The following ZNF695 variants were observed in gnomAD, a reference collection of about 807,000 sequenced individuals.
ZNF695 encodes the protein zinc finger protein 695, also known as zinc finger protein SBZF3.
Under a neutral mutation model 11.2 loss-of-function variants are expected in ZNF695, and 11 were observed. The ratio of observed to expected loss-of-function variants is 0.98; its 90% CI spans 0.62 to 1.62. The LOEUF is 1.62. Ranked by LOEUF, ZNF695 falls within the 40% of genes most tolerant of loss-of-function variation. The pLI is 0.00. For synonymous variants in ZNF695, 190 were observed against 201.4 expected (o/e 0.94, Z 0.48); for missense variants, 559 against 590.5 (o/e 0.95, Z 0.55).
At chr1:247,007,040 C>T (rs1235829607) in intron 1 of ZNF695, among the ~76,000 whole-genome samples, 1 of 152,162 alleles carries the variant, frequency 6.6e-6, no homozygotes, top group African/African-American at 2.4e-5. Flanking sequence ...AAGGTGACTG[C>T]ATAATGGCAA....
chr1:246,946,354 A>G (rs2818887), intron 5 of ZNF695, among the ~76,000 whole-genome samples: 86,668 of 152,110 alleles, frequency 0.57, 25,005 homozygotes, highest in African/African-American at 0.65. Context: ...TTGCCTTGCC[A>G]CTTTTCTGAA....
At chr1:246,966,083 A>T (rs1668283550) in intron 5 of ZNF695, among the ~76,000 whole-genome samples, 2 of 152,104 alleles carry the variant, frequency 1.3e-5, no homozygotes, top group Non-Finnish European at 2.9e-5. Context: ...GAAAATATTA[A>T]GAGAAAAGTT....
At chr1:247,005,404 C>T (rs1669502481) in intron 1 of ZNF695, among the ~76,000 whole-genome samples, 1 of 152,074 alleles carries the variant, frequency 6.6e-6, no homozygotes. Context: ...TAAAACTTGA[C>T]CCCTTGGCCG....
rs755647206 is a variant in ZNF695 at position 246,987,895 on chromosome 1, A to G, written c.620T>C (p.Ile207Thr). Residue 207 changes from isoleucine to threonine, a missense_variant, in exon 4 of 4, where the codon ATT becomes ACT. Transcript: ENST00000339986. Reference protein sequence around the residue: ...LIMTQQQRIHIGENPYQCKKC... With the variant: ...LIMTQQQRIHTGENPYQCKKC... Reference sequence around the variant, plus strand: ...TTTACATTGGTACGGGTTCTCTCCAATATGGATTCTCTGCTGTTGAGTCAT... The same window carrying G: ...TTTACATTGGTACGGGTTCTCTCCAGTATGGATTCTCTGCTGTTGAGTCAT... The G allele has an allele frequency of 7.5e-6, 12 of 1,609,408 alleles. No homozygotes were observed. The highest frequency in any genetic ancestry group is 8.5e-6 in the Non-Finnish European group (10 of 1,178,696).
rs184093994 is a variant in ZNF695, at chr1:246,954,319, C to G, written c.489-8492G>C. Among the ~76,000 whole-genome samples the G allele has an allele frequency of 2.4e-3, 368 of 152,286 alleles. 2 individuals are homozygous for G. The highest frequency in any genetic ancestry group is 4.0e-3 in the Non-Finnish European group (272 of 68,032). ...AACATGTTGTCCAGCAGTTGAAAGC[C>G]AAGGACAGGAACAGGCAATGCCTGC... On this transcript the variant is annotated intron_variant, in intron 5 of 5. Transcript: ENST00000487338.
At chr1:246,950,650 C>CAAAAAAA (rs200143022) in intron 5 of ZNF695, among the ~76,000 whole-genome samples, 3 of 105,370 alleles carry the variant, frequency 2.8e-5, no homozygotes, top group Admixed American at 1.0e-4. Context: ...AACTCCGTTT[C>CAAAAAAA]AAAAAAAAAA....
chr1:246,957,724 C>T (rs1184885732), intron 5 of ZNF695, among the ~76,000 whole-genome samples: 1 of 151,996 alleles, frequency 6.6e-6, no homozygotes. Flanking sequence ...CAGCCTCGAG[C>T]TCCTGGGCTC....
At chr1:246,972,238 C>A (rs1317424137) in intron 4 of ZNF695, among the ~76,000 whole-genome samples, 2 of 152,198 alleles carry the variant, frequency 1.3e-5, no homozygotes, top group African/African-American at 2.4e-5. Context: ...TTACCAGAAA[C>A]CAATCACTCC....
intron 4 of ZNF695, chr1:246,969,422 G>T (rs1048424564): frequency 1.3e-5 from 2 of 152,212 alleles, no homozygotes; most frequent in African/African-American, 4.8e-5. Context: ...TCCTCAGCCT[G>T]GACTTCATTG....
intron 4 of ZNF695, among the ~76,000 whole-genome samples, chr1:246,970,141 T>A (rs545132677): frequency 9.2e-5 from 14 of 152,308 alleles, no homozygotes; most frequent in African/African-American, 3.1e-4. Flanking sequence ...AAATTACGCA[T>A]TAATTCAAAG....
chr1:246,974,574 C>A (rs914055155), intron 4 of ZNF695, among the ~76,000 whole-genome samples: 14 of 151,810 alleles, frequency 9.2e-5, no homozygotes, highest in African/African-American at 3.4e-4. Context: ...TTTTTAACCA[C>A]AATTAAAATA....
intron 3 of ZNF695, among the ~76,000 whole-genome samples, chr1:246,991,193 A>G (rs1324037641): frequency 6.6e-6 from 1 of 152,208 alleles, no homozygotes; most frequent in African/African-American, 2.4e-5. Flanking sequence ...AAAATTGAGA[A>G]AAACCTCTAA....
chr1:246,984,611 A>G (rs1254758898), downstream of ZNF695, among the ~76,000 whole-genome samples: 1 of 152,240 alleles, frequency 6.6e-6, no homozygotes, highest in African/African-American at 2.4e-5. Flanking sequence ...CCTATGACTT[A>G]TAAAGCCTCC....
At chr1:246,999,523 A>G in intron 2 of ZNF695, 83 bp from the exon 3 acceptor site, 2 of 1,017,838 alleles carry the variant, frequency 2.0e-6, no homozygotes, top group Non-Finnish European at 2.9e-6. Context: ...AAGAGAAAAC[A>G]TCACATTAGA....
intron 1 of ZNF695, among the ~76,000 whole-genome samples, chr1:247,001,457 AT>A (rs1470875710): frequency 2.6e-5 from 4 of 151,902 alleles, no homozygotes; most frequent in African/African-American, 9.7e-5. Context: ...CACAGCTGTA[AT>A]CGCAGCACTT....
chr1:246,976,651 A>G (rs12095868), intron 4 of ZNF695, among the ~76,000 whole-genome samples: 60,269 of 150,098 alleles, frequency 0.4, 13,047 homozygotes, highest in Non-Finnish European at 0.47. Flanking sequence ...AAAATTAGCC[A>G]GGCATGGTGG....
intron 5 of ZNF695, among the ~76,000 whole-genome samples, chr1:246,957,923 A>G (rs1466988394): frequency 6.6e-6 from 1 of 151,998 alleles, no homozygotes; most frequent in African/African-American, 2.4e-5. Flanking sequence ...TTGCACCTGT[A>G]TATTTATTAC....
chr1:246,997,876 C>G (rs922831479), intron 3 of ZNF695, among the ~76,000 whole-genome samples: 4 of 152,132 alleles, frequency 2.6e-5, no homozygotes, highest in Non-Finnish European at 5.9e-5. Context: ...GCAGAAGACA[C>G]ACGTGATTGC....
chr1:246,958,497 A>C (rs1234331761), intron 5 of ZNF695, among the ~76,000 whole-genome samples: 2 of 152,176 alleles, frequency 1.3e-5, no homozygotes, highest in African/African-American at 2.4e-5. Context: ...CTTAGAACTC[A>C]GCCATCACAT....
Sources: allele counts gnomAD v4.1 joint callset (sites outside exome capture counted in the v4.1 genomes callset), GRCh38; gene constraint gnomAD v4.1.1; transcripts MANE v1.5; gene names NCBI Gene and HGNC (gene_info 2026-07-23, HGNC 2026-07-21).